The following COL27A1 variants were observed in gnomAD, a reference collection of about 807,000 sequenced individuals.
COL27A1 encodes collagen type XXVII alpha 1 chain, also known as collagen alpha-1(XXVII) chain.
A neutral mutation model predicts 251.3 loss-of-function variants in COL27A1; 106 were observed. The ratio of observed to expected loss-of-function variants is 0.42; its 90% CI spans 0.36 to 0.50. The LOEUF is 0.50. Ranked by LOEUF, COL27A1 falls within the 20% of genes least tolerant of loss-of-function variation. The pLI, the probability that COL27A1 is intolerant of heterozygous loss-of-function variation, is 0.00. For synonymous variants in COL27A1, 1,000 were observed against 986.3 expected (o/e 1.01, Z -0.26); for missense variants, 2,325 against 2,522.8 (o/e 0.92, Z 1.68).
chr9:114,231,034 G>A lies in COL27A1; in HGVS notation c.2467-45G>A, dbSNP rs374993576. On this transcript the variant is annotated intron_variant, in intron 14 of 60. Coordinates refer to ENST00000356083, the MANE Select transcript of COL27A1 (RefSeq NM_032888.4). ...TCCCCACCACCCAGGCCAGCCTCCT[G>A]TGGGCCACTGCTCACAGCACCCTCT... 10 of 1,583,632 alleles carry A rather than the reference G, an allele frequency of 6.3e-6. No homozygotes were observed. In the African/African-American group the frequency reaches 1.3e-4, roughly 21 times the overall value.
Position 114,168,274 on chromosome 9 carries a change from A to T in COL27A1, c.719A>T (p.Asp240Val). The T allele has an allele frequency of 6.2e-7, 1 of 1,613,810 alleles. No individual in the cohort carries two copies. Among genetic ancestry groups the T allele is most frequent in the Non-Finnish European group, 8.5e-7 (1 of 1,180,008 alleles). Residue 240 changes from aspartate (D) to valine (V), a missense_variant, in exon 3 of 61, where the codon GAC becomes GTC. Around this residue, in one of 4 missense-constraint regions of COL27A1, gnomAD observed 1,183 missense variants for 1,144.1 expected, o/e 1.03. Coordinates refer to ENST00000356083, the MANE Select transcript of COL27A1 (RefSeq NM_032888.4). ...CTGAGGAAGCAGTGTGGACAGGCTG[A>T]CACGTACCAGTCCCCACTGGGACCT... The part of the protein sequence containing the change: ...THLRKQCGQA[D>V]TYQSPLGPLF...
At chr9:114,215,327 G>A (rs1830648930) in intron 12 of COL27A1, among the ~76,000 whole-genome samples, 1 of 152,224 alleles carries the variant, frequency 6.6e-6, no homozygotes, top group Non-Finnish European at 1.5e-5. Flanking sequence ...TTCCAAGTAG[G>A]GAAATTGAGG....
At chr9:114,176,214 C>G (rs975800232) in intron 3 of COL27A1, among the ~76,000 whole-genome samples, 1 of 152,158 alleles carries the variant, frequency 6.6e-6, no homozygotes, top group African/African-American at 2.4e-5. Context: ...TCTCAGCCCC[C>G]TGCTTTTTCT....
At chr9:114,226,705 A>G (rs983368720) in intron 14 of COL27A1, among the ~76,000 whole-genome samples, 1 of 152,234 alleles carries the variant, frequency 6.6e-6, no homozygotes, top group Non-Finnish European at 1.5e-5. Flanking sequence ...GGCAGTCCTC[A>G]GAGGGATTAT....
intron 49 of COL27A1, among the ~76,000 whole-genome samples, chr9:114,294,354 A>C (rs942570291): frequency 6.6e-6 from 1 of 152,086 alleles, no homozygotes; most frequent in East Asian, 1.9e-4. Flanking sequence ...GGCTGATTCT[A>C]CCCTGATGTC....
intron 50 of COL27A1, 109 bp from the exon 51 acceptor site, chr9:114,300,516 C>T: frequency 1.2e-6 from 1 of 835,004 alleles, no homozygotes. Flanking sequence ...GGTAAGGCCT[C>T]TCTTGACAAG....
At chr9:114,247,642 G>A (rs554458329) in intron 24 of COL27A1, among the ~76,000 whole-genome samples, 8 of 152,314 alleles carry the variant, frequency 5.3e-5, no homozygotes, top group East Asian at 1.9e-4. Context: ...CAGAACACCC[G>A]GCTTGCTGCC....
chr9:114,160,685 A>G (rs199806836), intron 1 of COL27A1, among the ~76,000 whole-genome samples: 7 of 63,946 alleles, frequency 1.1e-4, no homozygotes, highest in Admixed American at 5.9e-4. Flanking sequence ...AAAAAAAATG[A>G]AAAAAAAAAA....
In COL27A1 at chr9:114,310,697, C is replaced by T. The variant is rs1377888301; in HGVS notation, c.*2C>T. On this transcript the variant is annotated 3_prime_UTR_variant, in exon 61 of 61. Coordinates refer to ENST00000356083, the MANE Select transcript of COL27A1 (RefSeq NM_032888.4). ...GTTGGACCTGCGTGCTTCCTCTGAC[C>T]TCTGACCTCGTGGCCACTCTAGGCC... 1.2e-6 allele frequency: 2 copies of T among 1,614,090 alleles called. No individual in the cohort carries two copies. The highest frequency in any genetic ancestry group is 1.7e-6 in the Non-Finnish European group (2 of 1,180,022).
At chr9:114,300,351 C>G in intron 50 of COL27A1, 1 of 595,052 alleles carries the variant, frequency 1.7e-6, no homozygotes, top group South Asian at 2.1e-5. Context: ...TCTCTCTAAG[C>G]CTTGGTTTCC....
chr9:114,202,412 A>T (rs1337401288), intron 7 of COL27A1, among the ~76,000 whole-genome samples: 2 of 152,192 alleles, frequency 1.3e-5, no homozygotes, highest in Non-Finnish European at 2.9e-5. Context: ...AGAGAGGATA[A>T]TTACTCATAC....
intron 12 of COL27A1, chr9:114,218,425 C>T (rs1041339839): frequency 2.0e-5 from 3 of 152,500 alleles, no homozygotes; most frequent in African/African-American, 7.2e-5. Flanking sequence ...ACATGCCAAA[C>T]TCCAGAGGTG....
rs1311464001 is a variant in COL27A1, at chr9:114,159,405, A to G, written c.63-3310A>G. On this transcript the variant is annotated intron_variant, in intron 1 of 60. Coordinates refer to ENST00000356083, the MANE Select transcript of COL27A1 (RefSeq NM_032888.4). ...TCTTTATCAGTTTGGGAAACTTCCT[A>G]GGAAGTTTGGTATGTGACATAATCC... 3.3e-5 allele frequency among the ~76,000 whole-genome samples: 5 copies of G among 152,060 alleles called. No homozygotes were observed. The East Asian group carries it at 9.7e-4, about 29-fold the overall frequency.
rs139817725 is a variant in COL27A1 at position 114,162,459 on chromosome 9, T to C, written c.63-256T>C. On this transcript the variant is annotated intron_variant, in intron 1 of 60. Coordinates refer to ENST00000356083, the MANE Select transcript of COL27A1 (RefSeq NM_032888.4). Reference sequence around the variant, plus strand: ...ATGCACTGCTTCTTCCCCGTTGACGTTGGCTAATTGATCTGTGAGAAGTGA... The same window carrying C: ...ATGCACTGCTTCTTCCCCGTTGACGCTGGCTAATTGATCTGTGAGAAGTGA... Among the ~76,000 whole-genome samples, 736 of 152,306 alleles carry C rather than the reference T, an allele frequency of 4.8e-3. 5 individuals are homozygous for C. Among genetic ancestry groups the C allele is most frequent in the Middle Eastern group, 0.014 (4 of 294 alleles).
At chr9:114,195,815 G>C in intron 6 of COL27A1, 144 bp from the exon 7 acceptor site, 1 of 694,822 alleles carries the variant, frequency 1.4e-6, no homozygotes, top group East Asian at 2.7e-5. Context: ...GGCAGCCCCC[G>C]AGTCTCCTCT....
rs1306432842 is a variant in COL27A1 at position 114,252,936 on chromosome 9, A to C, written c.3141+4A>C. 1 of 1,611,526 alleles carries C rather than the reference A, an allele frequency of 6.2e-7. No individual in the cohort carries two copies. Among genetic ancestry groups the C allele is most frequent in the African/African-American group, 1.3e-5 (1 of 74,886 alleles). On this transcript the variant is annotated splice_donor_region_variant and intron_variant, in intron 27 of 60. Transcript: ENST00000356083. ...CCCTGGAGAGCCTGGACCCCAGGTA[A>C]GCAAAGCCCTCGTGATCCCTAAGCT...
At chr9:114,172,437 C>T (rs1277358750) in intron 3 of COL27A1, among the ~76,000 whole-genome samples, 1 of 152,168 alleles carries the variant, frequency 6.6e-6, no homozygotes, top group African/African-American at 2.4e-5. Flanking sequence ...TTTTGTAGAA[C>T]ATAAGATGAT....
Position 114,168,004 on chromosome 9 carries a change from A to C in COL27A1, c.449A>C (p.Asp150Ala). The C allele has an allele frequency of 6.2e-7, 1 of 1,604,506 alleles. No homozygotes were observed. The highest frequency in any genetic ancestry group is 8.5e-7 in the Non-Finnish European group (1 of 1,179,732). ...GSRRSVAFDL[D>A]MHDGRWHHLA... ...CGGCGCTCAGTGGCCTTCGACCTCG[A>C]CATGCACGACGGGCGCTGGCACCAC... The change falls in exon 3 of 61, where the codon GAC becomes GCC. Residue 150 changes from aspartate (D) to alanine (A), a missense_variant. Transcript: ENST00000356083.
chr9:114,214,136 C>G (rs573627273), intron 12 of COL27A1, among the ~76,000 whole-genome samples: 1 of 152,294 alleles, frequency 6.6e-6, no homozygotes, highest in East Asian at 1.9e-4. Context: ...TCTGAGTCTG[C>G]CATGCCTCTC....
Sources: gnomAD v4.1 joint callset for allele counts (sites outside exome capture counted in the v4.1 genomes callset) on GRCh38, gnomAD v4.1.1 for gene constraint, gnomAD v4.1.1 regional missense constraint, MANE v1.5 for transcripts, NCBI Gene and HGNC (gene_info 2026-07-23, HGNC 2026-07-21) for gene names.